The following PHACTR3 variants were observed in gnomAD, a reference collection of about 807,000 sequenced individuals.
PHACTR3 encodes the protein protein phosphatase 1, regulatory subunit 123.
Under a neutral mutation model 66.8 loss-of-function variants are expected in PHACTR3, and 16 were observed. The observed-to-expected ratio is 0.24, with a 90% CI of 0.16 to 0.36. The LOEUF (loss-of-function observed/expected upper bound fraction) is 0.36. PHACTR3 is among the 10% of genes least tolerant of loss of function. PHACTR3 has a pLI of 1.00. For missense variants in PHACTR3, 647 were observed against 719.9 expected (o/e 0.90, Z 1.16); for synonymous variants, 323 against 292.1 (o/e 1.11, Z -1.08).
intron 1 of PHACTR3, among the ~76,000 whole-genome samples, chr20:59,684,914 T>C (rs953562643): frequency 2.0e-5 from 3 of 152,166 alleles, no homozygotes; most frequent in African/African-American, 7.2e-5. Flanking sequence ...CGGCTCAGCA[T>C]GTCCTGTGGC....
chr20:59,735,130 G>A (rs1452950382), intron 1 of PHACTR3, among the ~76,000 whole-genome samples: 1 of 152,044 alleles, frequency 6.6e-6, no homozygotes, highest in Admixed American at 6.5e-5. Flanking sequence ...AGAAATAGAG[G>A]TCATATCTCA....
intron 7 of PHACTR3, among the ~76,000 whole-genome samples, chr20:59,785,810 C>T (rs542833251): frequency 7.2e-5 from 11 of 152,198 alleles, no homozygotes; most frequent in East Asian, 5.8e-4. Context: ...GTGTGAGGTC[C>T]GATCCTTAAA....
At position 59,840,435 on chromosome 20, in the gene PHACTR3, T is replaced by C; in HGVS notation, c.1446+5T>C. ...AAGCAAAGATTGACAAGAAAGGTAG[T>C]ATAAGCATTTTATTGCCTGAATAAT... On this transcript the variant is annotated splice_donor_5th_base_variant and intron_variant, in intron 10 of 12. Coordinates refer to ENST00000371015, the MANE Select transcript of PHACTR3 (RefSeq NM_080672.5). 1 of 1,613,260 alleles carries C rather than the reference T, an allele frequency of 6.2e-7. No individual in the cohort carries two copies. The highest frequency in any genetic ancestry group is 8.5e-7 in the Non-Finnish European group (1 of 1,179,500).
chr20:59,664,811 C>T (rs2035930687), intron 1 of PHACTR3, among the ~76,000 whole-genome samples: 1 of 152,196 alleles, frequency 6.6e-6, no homozygotes, highest in South Asian at 2.1e-4. Context: ...CCAGATGCCG[C>T]CTTTCACAAG....
intron 2 of PHACTR3, among the ~76,000 whole-genome samples, chr20:59,745,612 C>A (rs185764263): frequency 6.6e-6 from 1 of 152,188 alleles, no homozygotes; most frequent in Non-Finnish European, 1.5e-5. Context: ...ACGGGCATCA[C>A]GGGTTAGGAT....
intron 1 of PHACTR3, among the ~76,000 whole-genome samples, chr20:59,699,480 A>G (rs1347319304): frequency 1.3e-5 from 2 of 152,142 alleles, no homozygotes; most frequent in South Asian, 2.1e-4. Context: ...TTCCCCTTGA[A>G]TCTCCTGAGA....
At chr20:59,821,315 A>T (rs1428584045) in intron 8 of PHACTR3, among the ~76,000 whole-genome samples, 1 of 152,150 alleles carries the variant, frequency 6.6e-6, no homozygotes, top group African/African-American at 2.4e-5. Flanking sequence ...GTTGTTCCAA[A>T]ATCAACAAGG....
chr20:59,846,692 T>G (rs993663449), intron 12 of PHACTR3, among the ~76,000 whole-genome samples: 2 of 152,196 alleles, frequency 1.3e-5, no homozygotes, highest in African/African-American at 4.8e-5. Flanking sequence ...TTTCAACAAT[T>G]CAAGAGTCAG....
chr20:59,637,124 T>C (rs1884893), intron 1 of PHACTR3, among the ~76,000 whole-genome samples: 120,892 of 152,200 alleles, frequency 0.79, 48,212 homozygotes, highest in East Asian at 0.91. Context: ...TCTGCAGGTT[T>C]GTGGCTTTGT....
At chr20:59,699,691 C>T (rs1316892817) in intron 1 of PHACTR3, among the ~76,000 whole-genome samples, 3 of 152,116 alleles carry the variant, frequency 2.0e-5, no homozygotes, top group Non-Finnish European at 2.9e-5. Context: ...TGGCCGGGCG[C>T]GGTGGCTCAC....
intron 8 of PHACTR3, among the ~76,000 whole-genome samples, chr20:59,810,253 C>T (rs535621768): frequency 2.1e-4 from 32 of 152,356 alleles, no homozygotes; most frequent in Non-Finnish European, 4.3e-4. Flanking sequence ...CCAAACGCCC[C>T]CCTATGTAAG....
At chr20:59,827,617 G>C (rs973318826) in intron 8 of PHACTR3, among the ~76,000 whole-genome samples, 4 of 152,132 alleles carry the variant, frequency 2.6e-5, no homozygotes, top group Admixed American at 2.6e-4. Flanking sequence ...AGGAGGTGGA[G>C]GACAAGAGAC....
intron 8 of PHACTR3, among the ~76,000 whole-genome samples, chr20:59,812,162 A>G (rs1220342438): frequency 6.6e-6 from 1 of 152,166 alleles, no homozygotes; most frequent in Non-Finnish European, 1.5e-5. Flanking sequence ...CCCATTCGTG[A>G]CTGTTGTGTA....
At chr20:59,798,476 G>A (rs1204287370) in intron 7 of PHACTR3, among the ~76,000 whole-genome samples, 1 of 152,178 alleles carries the variant, frequency 6.6e-6, no homozygotes, top group East Asian at 1.9e-4. Flanking sequence ...CAGTGCATGT[G>A]TCTGAGACTG....
chr20:59,748,364 C>T lies in PHACTR3; in HGVS notation c.358+529C>T, dbSNP rs534676769. On this transcript the variant is annotated intron_variant, in intron 3 of 12. Transcript: ENST00000371015. ...AGGCAGCGGCTATCCCACTTGCAGA[C>T]GAGGCGTGGGAGGGTCTGGGTGGTG... Among the ~76,000 whole-genome samples, 32 of 152,100 alleles carry T rather than the reference C, an allele frequency of 2.1e-4. No individual in the cohort carries two copies. In the South Asian group the frequency reaches 6.7e-3, roughly 32 times the overall value.
intron 8 of PHACTR3, among the ~76,000 whole-genome samples, chr20:59,825,866 G>A (rs1015771688): frequency 1.3e-5 from 2 of 152,290 alleles, no homozygotes; most frequent in South Asian, 2.1e-4. Flanking sequence ...GCCTTTGGGA[G>A]GTGATTAGGT....
In PHACTR3 at chr20:59,678,631, G is replaced by A. The variant is rs551879741; in HGVS notation, c.119-64476G>A. ...CAGCTGAATCTCATCTACTTGCAGAGCTTACCGTGTTTTGTAATCTGTGTT... is the reference window on the plus strand; with the variant it reads ...CAGCTGAATCTCATCTACTTGCAGAACTTACCGTGTTTTGTAATCTGTGTT... On this transcript the variant is annotated intron_variant, in intron 1 of 12. Transcript: ENST00000371015. Among the ~76,000 whole-genome samples the A allele has an allele frequency of 2.0e-5, 3 of 152,324 alleles. No individual in the cohort carries two copies. In the East Asian group the frequency reaches 5.8e-4, roughly 29 times the overall value.
At chr20:59,840,319 C>CAACCTGTTTCTCTTTGTT (rs1047128961) in intron 9 of PHACTR3, 50 bp from the exon 10 acceptor site, 2 of 1,590,542 alleles carry the variant, frequency 1.3e-6, no homozygotes, top group Non-Finnish European at 1.7e-6. Context: ...AAGAACGTTT[C>CAACCTGTTTCTCTTTGTT]AACCTGTTTC....
chr20:59,690,746 C>T (rs1051899710), intron 1 of PHACTR3, among the ~76,000 whole-genome samples: 15 of 152,186 alleles, frequency 9.9e-5, no homozygotes, highest in African/African-American at 3.6e-4. Context: ...AAGGGAACCA[C>T]CTCCAGTTCC....
Sources: allele counts gnomAD v4.1 joint callset (sites outside exome capture counted in the v4.1 genomes callset), GRCh38; gene constraint gnomAD v4.1.1; transcripts MANE v1.5; gene names NCBI Gene and HGNC (gene_info 2026-07-23, HGNC 2026-07-21).